Variants in CNOT6 observed in about 807,000 individuals in gnomAD.
The protein encoded by CNOT6 is carbon catabolite repression 4 protein.
In CNOT6, 12 loss-of-function variants were observed where a neutral mutation model predicts 61.2. The observed-to-expected ratio is 0.20, with a 90% CI of 0.13 to 0.32. The LOEUF (loss-of-function observed/expected upper bound fraction) is 0.32. Among genes scored for constraint, CNOT6 ranks in the 10% least tolerant of loss-of-function variants. The pLI is 1.00. For synonymous variants in CNOT6, 225 were observed against 240.6 expected (o/e 0.94, Z 0.60); for missense variants, 405 against 663.9 (o/e 0.61, Z 4.28).
chr5:180,504,324 T>A (rs188614325), intron 1 of CNOT6, among the ~76,000 whole-genome samples: 2 of 152,298 alleles, frequency 1.3e-5, no homozygotes, highest in Non-Finnish European at 2.9e-5. Context: ...TATGAATAAT[T>A]TTCTTTTGTA....
chr5:180,559,845 G>T (rs906418250), intron 4 of CNOT6, among the ~76,000 whole-genome samples: 1 of 151,890 alleles, frequency 6.6e-6, no homozygotes, highest in African/African-American at 2.4e-5. Context: ...ACCAGTTCAA[G>T]GGAAATATCA....
chr5:180,505,930 G>A (rs1757116675), intron 1 of CNOT6, among the ~76,000 whole-genome samples: 1 of 152,098 alleles, frequency 6.6e-6, no homozygotes, highest in African/African-American at 2.4e-5. Context: ...TATTGTGGAG[G>A]GTTTGGGACT....
chr5:180,518,831 C>T (rs955611802), intron 1 of CNOT6, among the ~76,000 whole-genome samples: 1 of 152,194 alleles, frequency 6.6e-6, no homozygotes, highest in Non-Finnish European at 1.5e-5. Context: ...TAAACGCGCT[C>T]TTTCTCTGAA....
chr5:180,529,579 A>C (rs1370752829), intron 2 of CNOT6, among the ~76,000 whole-genome samples, 191 bp downstream of exon 2: 1 of 152,244 alleles, frequency 6.6e-6, no homozygotes, highest in African/African-American at 2.4e-5. Flanking sequence ...ATTTGAGTCA[A>C]AGTTCAAAAG....
chr5:180,519,833 C>CTT (rs35658678), intron 1 of CNOT6, among the ~76,000 whole-genome samples: 9,964 of 135,156 alleles, frequency 0.074, 493 homozygotes, highest in East Asian at 0.25. Context: ...TATCCATTTG[C>CTT]TTTTTTTTTT....
At chr5:180,539,556 T>C (rs1460507702) in intron 2 of CNOT6, among the ~76,000 whole-genome samples, 4 of 6,838 alleles carry the variant, frequency 5.8e-4, no homozygotes, top group South Asian at 6.3e-3. Flanking sequence ...CTGTTCTTTT[T>C]TTTTTTTTTT....
intron 1 of CNOT6, among the ~76,000 whole-genome samples, chr5:180,498,385 T>C (rs1756714039): frequency 6.6e-6 from 1 of 152,190 alleles, no homozygotes; most frequent in South Asian, 2.1e-4. Flanking sequence ...CAGAGTGCTG[T>C]GGGAGAACAC....
intron 8 of CNOT6, 100 bp from the exon 9 acceptor site, chr5:180,567,749 G>C: frequency 6.6e-7 from 1 of 1,508,838 alleles, no homozygotes; most frequent in South Asian, 1.1e-5. Context: ...AAGTGCCATC[G>C]TATCTGTTAA....
Position 180,528,389 on chromosome 5 carries a change from C to A in CNOT6, c.-2-886C>A, listed in dbSNP as rs934862811. Among the ~76,000 whole-genome samples, 135 of 152,306 alleles carry A rather than the reference C, an allele frequency of 8.9e-4. 1 individual carries two copies. The highest frequency in any genetic ancestry group is 2.9e-3 in the Admixed American group (45 of 15,302). On this transcript the variant is annotated intron_variant, in intron 1 of 11. Coordinates refer to ENST00000261951, the MANE Select transcript of CNOT6 (RefSeq NM_001370472.1). Reference sequence around the variant, plus strand: ...GCAGTGGCACGATCTTGGCTCACTGCAAGCTCCACCTCCCGGGTTCACGCC... The same window carrying A: ...GCAGTGGCACGATCTTGGCTCACTGAAAGCTCCACCTCCCGGGTTCACGCC...
chr5:180,553,618 A>T, intron 4 of CNOT6, 147 bp downstream of exon 4: 1 of 621,368 alleles, frequency 1.6e-6, no homozygotes, highest in East Asian at 2.8e-5. Flanking sequence ...CAATGGTTTT[A>T]TCTTCTCTGT....
chr5:180,538,692 A>ATATG (rs140761918), intron 2 of CNOT6, among the ~76,000 whole-genome samples: 545 of 35,982 alleles, frequency 0.015, 10 homozygotes, highest in African/African-American at 0.036. Flanking sequence ...AAAGGTATAT[A>ATATG]TATATATATA....
chr5:180,557,248 C>G (rs1759944540), intron 4 of CNOT6, among the ~76,000 whole-genome samples: 1 of 152,124 alleles, frequency 6.6e-6, no homozygotes, highest in African/African-American at 2.4e-5. Context: ...ATTCATTTCT[C>G]TAGGATAAAT....
chr5:180,536,863 T>C (rs1758723277), intron 2 of CNOT6, among the ~76,000 whole-genome samples: 1 of 152,178 alleles, frequency 6.6e-6, no homozygotes, highest in Non-Finnish European at 1.5e-5. Context: ...TCAAGTGATC[T>C]TCCTGTCTTA....
intron 1 of CNOT6, among the ~76,000 whole-genome samples, chr5:180,515,890 T>C (rs1466884105): frequency 6.6e-6 from 1 of 152,148 alleles, no homozygotes; most frequent in Non-Finnish European, 1.5e-5. Flanking sequence ...GAGAGAGATG[T>C]CAAATTCAAG....
chr5:180,572,035 C>T (rs1760777860), intron 11 of CNOT6, among the ~76,000 whole-genome samples: 1 of 152,138 alleles, frequency 6.6e-6, no homozygotes, highest in African/African-American at 2.4e-5. Context: ...CTTATATTCT[C>T]ATTACTAATA....
intron 2 of CNOT6, among the ~76,000 whole-genome samples, chr5:180,549,523 G>A (rs1338840520): frequency 2.0e-5 from 3 of 152,038 alleles, no homozygotes; most frequent in Admixed American, 6.5e-5. Flanking sequence ...GGTGGCGGGT[G>A]CCTGTAATCC....
In CNOT6 at chr5:180,536,753, G is replaced by A. The variant is rs77585564; in HGVS notation, c.112+7365G>A. Among the ~76,000 whole-genome samples, 349 of 152,286 alleles carry A rather than the reference G, an allele frequency of 2.3e-3. 1 individual carries two copies. The highest frequency in any genetic ancestry group is 7.5e-3 in the African/African-American group (310 of 41,552). ...AGCCCCTCAAGTAGCTGGGACTACA[G>A]TGCATGCCACCATGCCCAGCTAAAG... On this transcript the variant is annotated intron_variant, in intron 2 of 11. Transcript: ENST00000261951.
intron 2 of CNOT6, among the ~76,000 whole-genome samples, chr5:180,530,492 G>A (rs780130): frequency 0.03 from 4,484 of 151,578 alleles, 109 homozygotes; most frequent in Admixed American, 0.053. Context: ...AAACTTAAAT[G>A]CCTGCCTTTG....
chr5:180,568,867 A>G (rs908204624), intron 9 of CNOT6, among the ~76,000 whole-genome samples: 1 of 152,228 alleles, frequency 6.6e-6, no homozygotes, highest in Non-Finnish European at 1.5e-5. Flanking sequence ...TTAAAAATCA[A>G]GCTGTCCCAA....
Sources: gnomAD v4.1 joint callset for allele counts (sites outside exome capture counted in the v4.1 genomes callset) on GRCh38, gnomAD v4.1.1 for gene constraint, MANE v1.5 for transcripts, NCBI Gene and HGNC (gene_info 2026-07-23, HGNC 2026-07-21) for gene names.